ATRNL1: variants seen among roughly 807,000 people sequenced by gnomAD.
ATRNL1 encodes the protein attractin like 1.
Under a neutral mutation model 182.7 loss-of-function variants are expected in ATRNL1, and 95 were observed. The observed-to-expected ratio is 0.52, with a 90% CI of 0.44 to 0.62. ATRNL1 has a LOEUF of 0.62. Ranked by LOEUF, ATRNL1 falls within the 20% of genes least tolerant of loss-of-function variation. The probability of loss-of-function intolerance (pLI) is 0.00; values close to 1 mark genes in which losing one functional copy is unlikely to be tolerated. For synonymous variants in ATRNL1, 576 were observed against 568.3 expected, an observed-to-expected ratio of 1.01 and a Z score of -0.19; for missense variants, 1,471 against 1,679.5, an observed-to-expected ratio of 0.88 and a Z score of 2.17.
At chr10:115,381,164 A>T (rs1857975118) in intron 19 of ATRNL1, among the ~76,000 whole-genome samples, 1 of 152,122 alleles carries the variant, frequency 6.6e-6, no homozygotes, top group South Asian at 2.1e-4. Context: ...TTCTGTGCTT[A>T]TCAGTCATTT....
At chr10:115,447,785 G>A (rs1322363595) in intron 21 of ATRNL1, among the ~76,000 whole-genome samples, 1 of 151,766 alleles carries the variant, frequency 6.6e-6, no homozygotes, top group Non-Finnish European at 1.5e-5. Context: ...AGATATACAA[G>A]TAGAAGTGGA....
intron 1 of ATRNL1, among the ~76,000 whole-genome samples, chr10:115,106,943 GCTTT>G (rs1844038242): frequency 2.0e-5 from 3 of 152,192 alleles, no homozygotes; most frequent in Admixed American, 6.5e-5. Flanking sequence ...TCTTGTAAGG[GCTTT>G]CTTGCTGCAT....
chr10:115,522,500 G>T (rs557009564), intron 25 of ATRNL1, among the ~76,000 whole-genome samples: 1 of 152,120 alleles, frequency 6.6e-6, no homozygotes, highest in Non-Finnish European at 1.5e-5. Context: ...CTTTCATTAG[G>T]CTCAATCTCC....
chr10:115,282,360 A>C, intron 14 of ATRNL1, among the ~76,000 whole-genome samples: 2 of 150,886 alleles, frequency 1.3e-5, no homozygotes, highest in African/African-American at 2.4e-5. Flanking sequence ...TGCACCCATT[A>C]ACTCATCATT....
At chr10:115,545,426 G>T (rs1023942830) in intron 25 of ATRNL1, among the ~76,000 whole-genome samples, 9 of 151,930 alleles carry the variant, frequency 5.9e-5, no homozygotes, top group Admixed American at 2.0e-4. Flanking sequence ...CGTCACGTTA[G>T]CTCTTTTACT....
At chr10:115,184,669 CT>C (rs1554888463) in intron 8 of ATRNL1, among the ~76,000 whole-genome samples, 2 of 151,410 alleles carry the variant, frequency 1.3e-5, no homozygotes, top group Non-Finnish European at 3.0e-5. Context: ...ATAGTCTTGA[CT>C]TAGAAACATT....
intron 26 of ATRNL1, among the ~76,000 whole-genome samples, chr10:115,592,676 T>A (rs1281022549): frequency 6.6e-6 from 1 of 152,212 alleles, no homozygotes; most frequent in East Asian, 1.9e-4. Context: ...ATTTTCAACA[T>A]TCATCCATGT....
chr10:115,604,886 G>C (rs1388073194), intron 26 of ATRNL1, among the ~76,000 whole-genome samples: 3 of 151,740 alleles, frequency 2.0e-5, no homozygotes, highest in African/African-American at 4.8e-5. Flanking sequence ...TATTTTGCTT[G>C]ATTTTTTGTA....
intron 26 of ATRNL1, among the ~76,000 whole-genome samples, chr10:115,626,171 C>A (rs1858086026): frequency 6.6e-6 from 1 of 152,142 alleles, no homozygotes; most frequent in African/African-American, 2.4e-5. Flanking sequence ...CATACACTTA[C>A]TTTGTTAAAA....
chr10:115,426,971 C>T (rs1439494548), intron 21 of ATRNL1, among the ~76,000 whole-genome samples: 1 of 152,148 alleles, frequency 6.6e-6, no homozygotes, highest in Non-Finnish European at 1.5e-5. Flanking sequence ...GATCCGCCCA[C>T]CTTGGCCTCC....
intron 26 of ATRNL1, among the ~76,000 whole-genome samples, chr10:115,581,811 G>A (rs1437516763): frequency 2.0e-5 from 3 of 151,134 alleles, no homozygotes; most frequent in African/African-American, 7.3e-5. Flanking sequence ...AGTTACATAT[G>A]TATACATGTG....
intron 27 of ATRNL1, among the ~76,000 whole-genome samples, chr10:115,737,896 T>C (rs1555066443): frequency 3.3e-5 from 5 of 151,950 alleles, no homozygotes; most frequent in African/African-American, 1.2e-4. Context: ...TTACACTGGG[T>C]CTTGATGCTG....
intron 26 of ATRNL1, among the ~76,000 whole-genome samples, chr10:115,664,135 C>T (rs111529574): frequency 2.6e-5 from 4 of 152,240 alleles, no homozygotes; most frequent in Admixed American, 2.0e-4. Context: ...CAGTGTTCTC[C>T]GCTAAAGAGA....
intron 26 of ATRNL1, among the ~76,000 whole-genome samples, chr10:115,596,877 A>G (rs1856276209): frequency 6.6e-6 from 1 of 152,186 alleles, no homozygotes; most frequent in Admixed American, 6.6e-5. Flanking sequence ...AGGACTAGTT[A>G]TTGGTATCCT....
intron 26 of ATRNL1, among the ~76,000 whole-genome samples, chr10:115,569,741 A>AT (rs1311375781): frequency 1.3e-5 from 2 of 148,318 alleles, no homozygotes; most frequent in Non-Finnish European, 3.0e-5. Context: ...AGTTGAAAAT[A>AT]TTTTTTCTCT....
At chr10:115,935,439 T>C (rs546656772) in intron 28 of ATRNL1, among the ~76,000 whole-genome samples, 2 of 152,340 alleles carry the variant, frequency 1.3e-5, no homozygotes, top group African/African-American at 4.8e-5. Flanking sequence ...CATAGCTGAT[T>C]TCACATCTCT....
chr10:115,488,124 C>T lies in ATRNL1; in HGVS notation c.3654+18795C>T, dbSNP rs781902993. 3.9e-5 allele frequency among the ~76,000 whole-genome samples: 6 copies of T among 152,028 alleles called. No homozygotes were observed. The East Asian group carries it at 9.6e-4, about 24-fold the overall frequency. ...TGATGTGCTGCTGGATTCAATTTGC[C>T]GGTATTTTACTGAGGATTTTTGCAT... On this transcript the variant is annotated intron_variant, in intron 24 of 28. Coordinates refer to ENST00000355044, the MANE Select transcript of ATRNL1 (RefSeq NM_207303.4).
chr10:115,261,898 C>T (rs1408381863), intron 10 of ATRNL1, among the ~76,000 whole-genome samples: 4 of 151,862 alleles, frequency 2.6e-5, no homozygotes, highest in African/African-American at 7.3e-5. Context: ...AAATAAGAAA[C>T]TGAATATTGC....
At chr10:115,401,650 C>G (rs1565002437) in intron 20 of ATRNL1, among the ~76,000 whole-genome samples, 1 of 152,066 alleles carries the variant, frequency 6.6e-6, no homozygotes, top group Non-Finnish European at 1.5e-5. Flanking sequence ...TACCACATGT[C>G]AATGTATACA....
Sources: gnomAD v4.1 joint callset for allele counts (sites outside exome capture counted in the v4.1 genomes callset) on GRCh38, gnomAD v4.1.1 for gene constraint, MANE v1.5 for transcripts, NCBI Gene and HGNC (gene_info 2026-07-23, HGNC 2026-07-21) for gene names.